MACROD2: variants seen among roughly 807,000 people sequenced by gnomAD.
MACROD2 encodes mono-ADP ribosylhydrolase 2.
In MACROD2, 36 loss-of-function variants were observed where a neutral mutation model predicts 70.4. The ratio of observed to expected loss-of-function variants is 0.51; its 90% CI spans 0.39 to 0.68. The LOEUF is 0.68. Among genes scored for constraint, MACROD2 ranks in the 30% least tolerant of loss-of-function variants. The pLI is 0.00. For missense variants in MACROD2, 496 were observed against 538.4 expected (o/e 0.92, Z 0.78); for synonymous variants, 172 against 178.8 (o/e 0.96, Z 0.30).
intron 4 of MACROD2, among the ~76,000 whole-genome samples, chr20:14,574,591 T>G (rs537714329): frequency 4.6e-5 from 7 of 152,182 alleles, no homozygotes; most frequent in Non-Finnish European, 5.9e-5. Flanking sequence ...TACACAAAAC[T>G]GTTTTCTCAG....
chr20:14,033,298 T>C (rs1049398775), intron 2 of MACROD2, among the ~76,000 whole-genome samples: 1 of 152,118 alleles, frequency 6.6e-6, no homozygotes, highest in Non-Finnish European at 1.5e-5. Flanking sequence ...GCGATCTGTT[T>C]ATTAACTCTT....
At chr20:14,890,989 TCCTCCCTCCCTCCCTCCCTTCCTA>T (rs2073751334) in intron 5 of MACROD2, among the ~76,000 whole-genome samples, 3 of 70,028 alleles carry the variant, frequency 4.3e-5, no homozygotes, top group African/African-American at 5.4e-5. Flanking sequence ...CTTCCTTCCT[TCCTCCCTCCCTCCCTCCCTTCCTA>T]CCTTCCTTCC....
At chr20:15,762,733 G>T (rs1384679507) in intron 8 of MACROD2, among the ~76,000 whole-genome samples, 1 of 152,208 alleles carries the variant, frequency 6.6e-6, no homozygotes, top group East Asian at 1.9e-4. Context: ...GGACATGTAA[G>T]ATAAAACTGT....
At chr20:15,149,623 T>C (rs459800) in intron 5 of MACROD2, among the ~76,000 whole-genome samples, 58,891 of 151,726 alleles carry the variant, frequency 0.39, 12,547 homozygotes, top group East Asian at 0.64. Flanking sequence ...TTGGAAGTTA[T>C]GAGAGCTGTA....
intron 8 of MACROD2, among the ~76,000 whole-genome samples, chr20:15,557,135 A>T (rs559085962): frequency 6.6e-6 from 1 of 151,780 alleles, no homozygotes; most frequent in Non-Finnish European, 1.5e-5. Context: ...AGTAAAATTC[A>T]CTTCTCTGCA....
At chr20:14,758,081 G>C in intron 5 of MACROD2, 1 of 426,504 alleles carries the variant, frequency 2.3e-6, no homozygotes, top group South Asian at 3.8e-5. Flanking sequence ...ATTTTGCATT[G>C]TATAAACATC....
intron 8 of MACROD2, among the ~76,000 whole-genome samples, chr20:15,703,463 C>T (rs1004773287): frequency 3.3e-5 from 5 of 152,160 alleles, no homozygotes; most frequent in African/African-American, 4.8e-5. Context: ...TAACTTACAA[C>T]CCCCAGTCTA....
At chr20:14,579,532 G>A (rs1400020708) in intron 4 of MACROD2, among the ~76,000 whole-genome samples, 1 of 152,126 alleles carries the variant, frequency 6.6e-6, no homozygotes, top group African/African-American at 2.4e-5. Context: ...CTTGCTTTGT[G>A]TGCTTTTGAG....
chr20:14,931,828 A>T (rs6043005), intron 5 of MACROD2, among the ~76,000 whole-genome samples: 4 of 130,736 alleles, frequency 3.1e-5, no homozygotes, highest in Non-Finnish European at 6.8e-5. Flanking sequence ...CAAGACCCCC[A>T]TCTCTTAAAA....
intron 3 of MACROD2, among the ~76,000 whole-genome samples, chr20:14,178,726 C>CTTTTTT (rs79773305): frequency 3.9e-5 from 4 of 102,986 alleles, no homozygotes; most frequent in Non-Finnish European, 5.9e-5. Flanking sequence ...GCCAAGTCAG[C>CTTTTTT]TTTTTTTTTT....
chr20:15,793,837 TATAA>T (rs1234060544), intron 8 of MACROD2, among the ~76,000 whole-genome samples: 6 of 147,400 alleles, frequency 4.1e-5, no homozygotes, highest in African/African-American at 1.5e-4. Flanking sequence ...ATCTATATTA[TATAA>T]ATAAATATAT....
intron 5 of MACROD2, among the ~76,000 whole-genome samples, chr20:14,855,597 GTTTT>G (rs71190156): frequency 1.2e-3 from 89 of 77,230 alleles, no homozygotes; most frequent in African/African-American, 3.9e-3. Context: ...ATCCTACCAA[GTTTT>G]TTTTTTTTTT....
At chr20:15,809,265 C>T (rs2063796146) in intron 8 of MACROD2, among the ~76,000 whole-genome samples, 1 of 152,198 alleles carries the variant, frequency 6.6e-6, no homozygotes, top group Non-Finnish European at 1.5e-5. Flanking sequence ...CTCCCTGTCC[C>T]CTCTACCCTT....
At chr20:14,478,851 G>T (rs2123065450) in intron 3 of MACROD2, among the ~76,000 whole-genome samples, 1 of 152,156 alleles carries the variant, frequency 6.6e-6, no homozygotes, top group East Asian at 1.9e-4. Context: ...TTATTTTGGT[G>T]GGCCTTGTGT....
intron 8 of MACROD2, among the ~76,000 whole-genome samples, chr20:15,596,726 T>A (rs536371577): frequency 6.6e-6 from 1 of 152,216 alleles, no homozygotes; most frequent in Non-Finnish European, 1.5e-5. Flanking sequence ...AAAGAACCCA[T>A]GCCTTGCATG....
intron 5 of MACROD2, among the ~76,000 whole-genome samples, chr20:14,958,933 C>T (rs565433097): frequency 1.3e-5 from 2 of 152,206 alleles, no homozygotes; most frequent in Admixed American, 1.3e-4. Context: ...AAGAACACTG[C>T]AAAATGTTTC....
chr20:14,007,592 G>A (rs1425344594), intron 2 of MACROD2, among the ~76,000 whole-genome samples: 1 of 152,202 alleles, frequency 6.6e-6, no homozygotes, highest in Non-Finnish European at 1.5e-5. Context: ...ATAAATGGGT[G>A]GATGGGTAGA....
At chr20:15,480,543 C>G (rs889779851) in intron 7 of MACROD2, among the ~76,000 whole-genome samples, 3 of 152,128 alleles carry the variant, frequency 2.0e-5, no homozygotes, top group African/African-American at 7.2e-5. Context: ...CCTCTGCCCC[C>G]CTTCTCCACT....
At chr20:14,408,231 G>C (rs1490991697) in intron 3 of MACROD2, among the ~76,000 whole-genome samples, 1 of 151,976 alleles carries the variant, frequency 6.6e-6, no homozygotes. Flanking sequence ...TTGTTTTTTT[G>C]TAGTTGACAA....
Sources: allele counts gnomAD v4.1 joint callset (sites outside exome capture counted in the v4.1 genomes callset), GRCh38; gene constraint gnomAD v4.1.1; transcripts MANE v1.5; gene names NCBI Gene and HGNC (gene_info 2026-07-23, HGNC 2026-07-21).